ADCY9: variants seen among roughly 807,000 people sequenced by gnomAD.
ADCY9 encodes adenylate cyclase type 9.
A neutral mutation model predicts 101.5 loss-of-function variants in ADCY9; 50 were observed. The observed-to-expected ratio is 0.49, with a 90% CI of 0.39 to 0.62. The LOEUF (loss-of-function observed/expected upper bound fraction) is 0.62, where lower values mean the gene tolerates loss of function less well. Among genes scored for constraint, ADCY9 ranks in the 20% least tolerant of loss-of-function variants. The pLI is 0.00. For synonymous variants in ADCY9, 905 were observed against 769.3 expected (o/e 1.18, Z -2.92); for missense variants, 1,662 against 1,800.4 (o/e 0.92, Z 1.39).
chr16:4,028,744 T>G (rs1402838033), intron 2 of ADCY9, among the ~76,000 whole-genome samples: 2 of 152,186 alleles, frequency 1.3e-5, no homozygotes, highest in Admixed American at 1.3e-4. Context: ...AGTAAAACTG[T>G]CTTTAATAAA....
At chr16:4,060,488 C>T (rs186730987) in intron 2 of ADCY9, among the ~76,000 whole-genome samples, 53 of 152,336 alleles carry the variant, frequency 3.5e-4, no homozygotes, top group African/African-American at 1.2e-3. Flanking sequence ...CCTAAACGTA[C>T]ACACATATCC....
chr16:3,962,039 T>TTA (rs1555504857), downstream of ADCY9, among the ~76,000 whole-genome samples: 3 of 149,688 alleles, frequency 2.0e-5, no homozygotes. Flanking sequence ...AAATAAAAAT[T>TTA]AAAAAAAAAA....
intron 2 of ADCY9, among the ~76,000 whole-genome samples, chr16:4,099,702 C>A (rs1280796409): frequency 6.6e-6 from 1 of 152,116 alleles, no homozygotes; most frequent in Non-Finnish European, 1.5e-5. Context: ...ATCAAATAAG[C>A]TAAAATCCAA....
Position 3,965,901 on chromosome 16 carries a change from C to T in ADCY9, c.3936G>A (p.Trp1312Ter). Residue 1312 changes from tryptophan to a stop codon, truncating the protein, a stop_gained, in exon 11 of 11, where the codon TGG becomes TGA. Transcript: ENST00000294016. LOFTEE classifies it high-confidence loss of function. ...KDAHLSPKRP[W>*]KEPVKAEERG... The stretch of plus-strand genomic sequence containing the variant: ...TTTCTTCGGCTTTGACGGGCTCCTT[C>T]CACGGTCTCTTGGGGGACAGGTGGG... The T allele has an allele frequency of 1.2e-6, 2 of 1,614,210 alleles. No individual in the cohort carries two copies. Among genetic ancestry groups the T allele is most frequent in the South Asian group, 1.1e-5 (1 of 91,092 alleles).
chr16:3,959,809 T>C (rs866245872), downstream of ADCY9, among the ~76,000 whole-genome samples: 58 of 152,304 alleles, frequency 3.8e-4, no homozygotes, highest in Middle Eastern at 0.014. Context: ...GTGGATCACC[T>C]GAAGTCAGGA....
At chr16:3,958,672 A>ATTTTTTTTTTTTT, downstream of ADCY9, among the ~76,000 whole-genome samples, 2 of 53,326 alleles carry the variant, frequency 3.8e-5, no homozygotes, top group African/African-American at 1.5e-4. Context: ...CTCGTCGGTT[A>ATTTTTTTTTTTTT]CTTTTTTTTT....
rs149752018 is a variant in ADCY9, at chr16:3,977,478, G to C, written c.2828+4C>G. 2.7e-3 allele frequency: 4,273 copies of C among 1,557,862 alleles called. 6 individuals carry two copies. The highest frequency in any genetic ancestry group is 3.4e-3 in the Middle Eastern group (19 of 5,670). ...GGTGCCCGCAAGCAGTGCTGGCCGCGTACCTGTCTGGGCACAGGGAGACGT... is the reference window on the plus strand; with the variant it reads ...GGTGCCCGCAAGCAGTGCTGGCCGCCTACCTGTCTGGGCACAGGGAGACGT... On this transcript the variant is annotated splice_donor_region_variant and intron_variant, in intron 9 of 10. Coordinates refer to ENST00000294016, the MANE Select transcript of ADCY9 (RefSeq NM_001116.4).
At position 4,085,825 on chromosome 16, in the gene ADCY9, T is replaced by C. The variant is rs569195662; in HGVS notation, c.1693+27925A>G. Among the ~76,000 whole-genome samples, 5 of 152,054 alleles carry C rather than the reference T, an allele frequency of 3.3e-5. No individual in the cohort carries two copies. In the East Asian group the frequency reaches 7.7e-4, roughly 23 times the overall value. On this transcript the variant is annotated intron_variant, in intron 2 of 10. Coordinates refer to ENST00000294016, the MANE Select transcript of ADCY9 (RefSeq NM_001116.4). ...TGTGTTTTGACTCAGATGACATCGG[T>C]GCAGGCTCGAGAGTGAGCTACTCTT...
rs1267924313 is a variant in ADCY9, at chr16:3,964,165, C to T, written c.*1610G>A. ...GGACTGATGCGGTGTGAAAACGAGA[C>T]AGTGAGATTTGACAGCGGAAAGCAA... On this transcript the variant is annotated 3_prime_UTR_variant, in exon 11 of 11. Transcript: ENST00000294016. The T allele has an allele frequency of 6.6e-6, 1 of 152,284 alleles. No homozygotes were observed. The highest frequency in any genetic ancestry group is 1.5e-5 in the Non-Finnish European group (1 of 68,082). The allele number at this position is 152,284 out of a possible 1,614,324, so 9.4% of individuals were successfully genotyped here. A position where few individuals can be genotyped will look rare whatever the true frequency, so the allele number is the denominator to read the frequency against.
chr16:4,052,941 G>A lies in ADCY9; in HGVS notation c.1694-45383C>T, dbSNP rs116963675. Among the ~76,000 whole-genome samples, 705 of 152,230 alleles carry A rather than the reference G, an allele frequency of 4.6e-3. 2 individuals are homozygous for A. The highest frequency in any genetic ancestry group is 8.2e-3 in the Non-Finnish European group (555 of 68,018). On this transcript the variant is annotated intron_variant, in intron 2 of 10. Coordinates refer to ENST00000294016, the MANE Select transcript of ADCY9 (RefSeq NM_001116.4). ...GACATGAGCGGCTCTTCAAGTGCAC[G>A]GGGAACAACAGATTCTTTGTCAGGG... is the stretch of plus-strand genomic sequence containing the variant.
chr16:3,994,068 C>T (rs2056268851), intron 3 of ADCY9, among the ~76,000 whole-genome samples: 1 of 152,084 alleles, frequency 6.6e-6, no homozygotes, highest in Admixed American at 6.5e-5. Context: ...ACGCTGAAAT[C>T]CTAATTCCCA....
chr16:4,076,719 A>T (rs1349193458), intron 2 of ADCY9, among the ~76,000 whole-genome samples: 1 of 152,224 alleles, frequency 6.6e-6, no homozygotes, highest in Non-Finnish European at 1.5e-5. Context: ...AAATGGCATC[A>T]ATAATTTTTT....
At chr16:4,076,620 T>C (rs1367702030) in intron 2 of ADCY9, among the ~76,000 whole-genome samples, 1 of 151,968 alleles carries the variant, frequency 6.6e-6, no homozygotes, top group African/African-American at 2.4e-5. Context: ...TACCAAAAAC[T>C]GACAAGAGCA....
chr16:4,092,491 T>G (rs74005725), intron 2 of ADCY9, among the ~76,000 whole-genome samples: 1 of 152,204 alleles, frequency 6.6e-6, no homozygotes, highest in African/African-American at 2.4e-5. Context: ...AGTTATAGAA[T>G]TGTTCATTAA....
At position 3,966,986 on chromosome 16, in the gene ADCY9, G is replaced by T; in HGVS notation, c.2871-20C>A. 6.3e-7 allele frequency: 1 copy of T among 1,593,098 alleles called. No individual in the cohort carries two copies. The highest frequency in any genetic ancestry group is 8.6e-7 in the Non-Finnish European group (1 of 1,167,030). The stretch of plus-strand genomic sequence containing the variant: ...TCGGAACTGGAGAGCAAAGACACGG[G>T]AAAGGGAGAGGTTACTGCTCGGCGC... On this transcript the variant is annotated intron_variant, in intron 10 of 10. Coordinates refer to ENST00000294016, the MANE Select transcript of ADCY9 (RefSeq NM_001116.4).
intron 2 of ADCY9, among the ~76,000 whole-genome samples, chr16:4,010,865 G>A (rs532445798): frequency 3.9e-5 from 6 of 152,270 alleles, no homozygotes; most frequent in Admixed American, 6.5e-5. Flanking sequence ...GGGATCAGGC[G>A]CCTGCATAAA....
chr16:4,112,396 A>G (rs1304425859), intron 2 of ADCY9, among the ~76,000 whole-genome samples: 4 of 152,218 alleles, frequency 2.6e-5, no homozygotes, highest in Non-Finnish European at 5.9e-5. Context: ...AAAAATCAGA[A>G]GAAAGATGAT....
At chr16:4,110,672 G>C (rs1366474695) in intron 2 of ADCY9, among the ~76,000 whole-genome samples, 1 of 152,192 alleles carries the variant, frequency 6.6e-6, no homozygotes, top group Admixed American at 6.5e-5. Context: ...TTACAGGCAT[G>C]AGCCACTGCG....
chr16:4,011,390 G>C (rs1035429400), intron 2 of ADCY9, among the ~76,000 whole-genome samples: 1 of 152,178 alleles, frequency 6.6e-6, no homozygotes, highest in Non-Finnish European at 1.5e-5. Flanking sequence ...GGGGCGGGAG[G>C]AGAAAGAAGA....
Sources: gnomAD v4.1 joint callset for allele counts (sites outside exome capture counted in the v4.1 genomes callset) on GRCh38, gnomAD v4.1.1 for gene constraint, MANE v1.5 for transcripts, NCBI Gene and HGNC (gene_info 2026-07-23, HGNC 2026-07-21) for gene names.